TRIM55: variants seen among roughly 807,000 people sequenced by gnomAD.
TRIM55 encodes tripartite motif containing 55.
A neutral mutation model predicts 60.9 loss-of-function variants in TRIM55; 50 were observed. That is an observed-to-expected ratio of 0.82 (90% CI 0.65 to 1.04). TRIM55 has a LOEUF of 1.04. Ranked by LOEUF, TRIM55 falls within the 50% of genes least tolerant of loss-of-function variation. TRIM55 has a pLI of 0.00. For missense variants in TRIM55, 681 were observed against 666.9 expected, an observed-to-expected ratio of 1.02 and a Z score of -0.23; for synonymous variants, 237 against 238.1, an observed-to-expected ratio of 1.00 and a Z score of 0.04.
intron 9 of TRIM55, among the ~76,000 whole-genome samples, chr8:66,166,412 A>C (rs1304502260): frequency 6.6e-6 from 1 of 152,176 alleles, no homozygotes; most frequent in African/African-American, 2.4e-5. Flanking sequence ...ATTCTGATTT[A>C]ACCTAAGACT....
upstream of TRIM55, chr8:66,126,935 C>A: frequency 4.7e-6 from 1 of 211,906 alleles, no homozygotes; most frequent in South Asian, 1.1e-4. Context: ...TCCTTCTCCT[C>A]ACAACCCCGT....
Position 66,131,527 on chromosome 8 carries a change from G to C in TRIM55, c.341+3051G>C, listed in dbSNP as rs574772204. ...ATGGCTGGGCTTTACCTCTACTTGGGAATTCTTTTACTCTCCCCCTGGGTT... is the reference window on the plus strand; with the variant it reads ...ATGGCTGGGCTTTACCTCTACTTGGCAATTCTTTTACTCTCCCCCTGGGTT... On this transcript the variant is annotated intron_variant, in intron 2 of 9. Transcript: ENST00000315962. Among the ~76,000 whole-genome samples, 38 of 152,282 alleles carry C rather than the reference G, an allele frequency of 2.5e-4. No homozygotes were observed. In the South Asian group the frequency reaches 5.4e-3, roughly 22 times the overall value.
rs560369621 is a variant in TRIM55 at position 66,130,632 on chromosome 8, CTG to C, written c.341+2158_341+2159del. On this transcript the variant is annotated intron_variant, in intron 2 of 9. Coordinates refer to ENST00000315962, the MANE Select transcript of TRIM55 (RefSeq NM_184085.2). ...TGACCTCCTCCAGAAAGGCTGGAGA[CTG>C]TAAGTCTCCACAAAACCTAGCATTC... Among the ~76,000 whole-genome samples, 334 of 148,776 alleles carry C rather than the reference CTG, an allele frequency of 2.2e-3. 5 individuals are homozygous for C. The highest frequency in any genetic ancestry group is 0.02 in the Admixed American group (297 of 14,820).
chr8:66,121,150 A>T, the TRIM55 span, among the ~76,000 whole-genome samples: 2 of 152,178 alleles, frequency 1.3e-5, no homozygotes, highest in East Asian at 3.8e-4. Flanking sequence ...TTGGGTGCAC[A>T]CTCAGGTTCC....
chr8:66,128,467 A>T lies in TRIM55; in HGVS notation c.332A>T (p.Glu111Val). The T allele has an allele frequency of 6.2e-7, 1 of 1,612,954 alleles. No homozygotes were observed. Among genetic ancestry groups the T allele is most frequent in the Non-Finnish European group, 8.5e-7 (1 of 1,179,544 alleles). The change falls in exon 2 of 10, where the codon GAG (glutamate) becomes GTG (valine). Residue 111 changes from glutamate to valine, a missense_variant. Physicochemically the swap from Glu to Val is moderately radical, Grantham distance 121. Coordinates refer to ENST00000315962, the MANE Select transcript of TRIM55 (RefSeq NM_184085.2). ...VENIIDIYKQESTRPEKKSDQ... is the reference protein window; with the variant it reads ...VENIIDIYKQVSTRPEKKSDQ... ...AATATCATTGACATCTACAAGCAGGAGTCCACCAGGTAACACTCTTCCACT... is the reference window on the plus strand; with the variant it reads ...AATATCATTGACATCTACAAGCAGGTGTCCACCAGGTAACACTCTTCCACT...
chr8:66,174,553 A>C lies in TRIM55; in HGVS notation c.1607A>C (p.His536Pro). 1 of 1,608,698 alleles carries C rather than the reference A, an allele frequency of 6.2e-7. No homozygotes were observed. Among genetic ancestry groups the C allele is most frequent in the Non-Finnish European group, 8.5e-7 (1 of 1,178,350 alleles). The change falls in exon 10 of 10, where the codon CAT (histidine) becomes CCT (proline). Residue 536 changes from histidine (H) to proline (P), a missense_variant. Coordinates refer to ENST00000315962, the MANE Select transcript of TRIM55 (RefSeq NM_184085.2). ...GGAGCTGATTCTGAGCCAGCTCGCC[A>C]TATCTTCTCCTTTTCCTGGTTGAAC... ...GSGADSEPARHIFSFSWLNSL... is the reference protein window; with the variant it reads ...GSGADSEPARPIFSFSWLNSL...
At chr8:66,133,000 A>C (rs1019171987) in intron 2 of TRIM55, among the ~76,000 whole-genome samples, 1 of 152,226 alleles carries the variant, frequency 6.6e-6, no homozygotes, top group Non-Finnish European at 1.5e-5. Flanking sequence ...TGTTGATATC[A>C]GAACAGCATG....
At chr8:66,136,371 C>G (rs1369367966) in intron 3 of TRIM55, among the ~76,000 whole-genome samples, 1 of 152,216 alleles carries the variant, frequency 6.6e-6, no homozygotes, top group Non-Finnish European at 1.5e-5. Flanking sequence ...AATCACTGTT[C>G]TGGTCCAATC....
the TRIM55 span, among the ~76,000 whole-genome samples, chr8:66,119,583 C>T: frequency 6.6e-6 from 1 of 152,206 alleles, no homozygotes; most frequent in African/African-American, 2.4e-5. Flanking sequence ...TCTCAGAATG[C>T]TCTGACCTAT....
Position 66,154,227 on chromosome 8 carries a change from G to T in TRIM55, c.1417G>T (p.Gly473Cys). ...SEGLGQIGPP[G>C]SEDSNVRKAE... ...AGGTCTGGGGCAAATAGGGCCTCCAGGTTCTGAGGATTCGAATGTACGGAA... is the reference window on the plus strand; with the variant it reads ...AGGTCTGGGGCAAATAGGGCCTCCATGTTCTGAGGATTCGAATGTACGGAA... Residue 473 changes from glycine (G) to cysteine (C), a missense_variant, in exon 9 of 10, where the codon GGT becomes TGT. Coordinates refer to ENST00000315962, the MANE Select transcript of TRIM55 (RefSeq NM_184085.2). The T allele has an allele frequency of 1.2e-6, 2 of 1,614,160 alleles. No homozygotes were observed. The highest frequency in any genetic ancestry group is 8.5e-7 in the Non-Finnish European group (1 of 1,180,032).
chr8:66,152,784 G>C (rs1184449495), intron 8 of TRIM55, among the ~76,000 whole-genome samples, 157 bp downstream of exon 8: 1 of 152,166 alleles, frequency 6.6e-6, no homozygotes, highest in African/African-American at 2.4e-5. Context: ...CCTCATGTCG[G>C]GGAGAAAAGT....
Position 66,139,229 on chromosome 8 carries a change from C to T in TRIM55, c.603+2039C>T, listed in dbSNP as rs768811887. Among the ~76,000 whole-genome samples the T allele has an allele frequency of 2.0e-5, 3 of 152,132 alleles. No individual in the cohort carries two copies. In the East Asian group the frequency reaches 5.8e-4, roughly 29 times the overall value. On this transcript the variant is annotated intron_variant, in intron 4 of 9. Transcript: ENST00000315962. ...AGTCTTGAGTTTATAAATAGGAGCACGTTGCTTGTGGGTGAGCGAGGTAAT... is the reference window on the plus strand; with the variant it reads ...AGTCTTGAGTTTATAAATAGGAGCATGTTGCTTGTGGGTGAGCGAGGTAAT...
rs1563631978 is a variant in TRIM55, at chr8:66,128,480, A to G, written c.341+4A>G. The G allele has an allele frequency of 6.2e-7, 1 of 1,610,838 alleles. No individual in the cohort carries two copies. The highest frequency in any genetic ancestry group is 8.5e-7 in the Non-Finnish European group (1 of 1,178,802). ...TCTACAAGCAGGAGTCCACCAGGTAACACTCTTCCACTCTTCCATGTGTCA... is the reference window on the plus strand; with the variant it reads ...TCTACAAGCAGGAGTCCACCAGGTAGCACTCTTCCACTCTTCCATGTGTCA... On this transcript the variant is annotated splice_donor_region_variant and intron_variant, in intron 2 of 9. Transcript: ENST00000315962.
chr8:66,142,070 G>T (rs562868345), intron 4 of TRIM55, among the ~76,000 whole-genome samples: 1 of 152,188 alleles, frequency 6.6e-6, no homozygotes, highest in Non-Finnish European at 1.5e-5. Flanking sequence ...CTTCCTCAGC[G>T]TTACAGTGGG....
chr8:66,137,196 T>A lies in TRIM55; in HGVS notation c.603+6T>A. The A allele has an allele frequency of 6.2e-7, 1 of 1,612,026 alleles. No homozygotes were observed. On this transcript the variant is annotated splice_donor_region_variant and intron_variant, in intron 4 of 9. Coordinates refer to ENST00000315962, the MANE Select transcript of TRIM55 (RefSeq NM_184085.2). ...ACACCTGCAAAACTATCGAGGTGAG[T>A]CAGGTGACTCCCACAGCGTCTCAAC...
chr8:66,152,009 C>T (rs1007674612), intron 7 of TRIM55, among the ~76,000 whole-genome samples: 2 of 152,124 alleles, frequency 1.3e-5, no homozygotes, highest in Admixed American at 6.5e-5. Context: ...GACAGTTGCA[C>T]TTCCATTTAA....
the TRIM55 span, among the ~76,000 whole-genome samples, chr8:66,115,456 T>C: frequency 6.6e-6 from 1 of 152,178 alleles, no homozygotes; most frequent in Non-Finnish European, 1.5e-5. Flanking sequence ...GTGTTCTAGC[T>C]GGCTGAGGGG....
rs1241517227 is a variant in TRIM55 at position 66,127,226 on chromosome 8, C to CGCAGCACCCTTCCCTG, written c.-35_-20dup. 8 of 1,586,850 alleles carry CGCAGCACCCTTCCCTG rather than the reference C, an allele frequency of 5.0e-6. No individual in the cohort carries two copies. The highest frequency in any genetic ancestry group is 3.4e-5 in the Admixed American group (2 of 58,376). ...CCAGGAAACACTTGCTGGAGCCACT[C>CGCAGCACCCTTCCCTG]GCAGCACCCTTCCCTGGCAGCACAC... is the stretch of plus-strand genomic sequence containing the variant. On this transcript the variant is annotated 5_prime_UTR_variant, in exon 1 of 10. Coordinates refer to ENST00000315962, the MANE Select transcript of TRIM55 (RefSeq NM_184085.2).
chr8:66,164,326 C>T (rs1252797316), intron 9 of TRIM55, among the ~76,000 whole-genome samples: 2 of 152,218 alleles, frequency 1.3e-5, no homozygotes, highest in Non-Finnish European at 2.9e-5. Context: ...AGCTGAACCT[C>T]ACAGTCTGAT....
Sources: gnomAD v4.1 joint callset for allele counts (sites outside exome capture counted in the v4.1 genomes callset) on GRCh38, gnomAD v4.1.1 for gene constraint, MANE v1.5 for transcripts, NCBI Gene and HGNC (gene_info 2026-07-23, HGNC 2026-07-21) for gene names.